The following FBXO24 variants were observed in gnomAD, a reference collection of about 807,000 sequenced individuals.
The protein encoded by FBXO24 is F-box protein 24.
Under a neutral mutation model 63.5 loss-of-function variants are expected in FBXO24, and 30 were observed. That is an observed-to-expected ratio of 0.47 (90% CI 0.35 to 0.64). The LOEUF is 0.64. Ranked by LOEUF, FBXO24 falls within the 30% of genes least tolerant of loss-of-function variation. The probability of loss-of-function intolerance (pLI) is 0.00; values close to 1 mark genes in which losing one functional copy is unlikely to be tolerated. For synonymous variants in FBXO24, 300 were observed against 305.0 expected (o/e 0.98, Z 0.17); for missense variants, 624 against 763.4 (o/e 0.82, Z 2.15).
In FBXO24 at chr7:100,586,454, C is replaced by G. The variant is rs183277670; in HGVS notation, c.-172C>G. On this transcript the variant is annotated 5_prime_UTR_variant, in exon 1 of 10. Transcript: ENST00000241071. Reference sequence around the variant, plus strand: ...AAGAGGAGGGGACACCGGCACTCCACTAGCAGGAAAACGGGCCGAGGGACC... The same window carrying G: ...AAGAGGAGGGGACACCGGCACTCCAGTAGCAGGAAAACGGGCCGAGGGACC... 5.5e-5 allele frequency: 39 copies of G among 704,656 alleles called. 1 individual carries two copies. In the Middle Eastern group the frequency reaches 7.6e-4, roughly 14 times the overall value. The allele number at this position is 704,656 out of a possible 1,614,324, so 43.7% of individuals were successfully genotyped here.
At chr7:100,595,869 C>G (rs929979673) in intron 8 of FBXO24, among the ~76,000 whole-genome samples, 163 bp downstream of exon 8, 2 of 152,178 alleles carry the variant, frequency 1.3e-5, no homozygotes, top group Non-Finnish European at 2.9e-5. Flanking sequence ...ATGTCTTACC[C>G]AGGGTTGGCA....
chr7:100,589,830 ATT>A (rs774938835), intron 1 of FBXO24, 145 bp from the exon 2 acceptor site: 7 of 1,522,342 alleles, frequency 4.6e-6, no homozygotes, highest in Non-Finnish European at 6.2e-6. Flanking sequence ...GGGAGGAGTT[ATT>A]TGGAGAAGTT....
intron 4 of FBXO24, 119 bp from the exon 5 acceptor site, chr7:100,592,664 A>C: frequency 5.3e-6 from 4 of 747,742 alleles, no homozygotes; most frequent in South Asian, 5.3e-5. Context: ...ACCTGAAATC[A>C]AGGGCTCATT....
rs557803795 is a variant in FBXO24, at chr7:100,589,601, C to T, written c.40-376C>T. On this transcript the variant is annotated intron_variant, in intron 1 of 9. Coordinates refer to ENST00000241071, the MANE Select transcript of FBXO24 (RefSeq NM_033506.3). ...CTCCATGGGGGAGGGGCCTAGGAGGCAGAGGGGCCTCAGAGGTCCCCCAAG... is the reference window on the plus strand; with the variant it reads ...CTCCATGGGGGAGGGGCCTAGGAGGTAGAGGGGCCTCAGAGGTCCCCCAAG... 1.1e-4 allele frequency: 153 copies of T among 1,447,334 alleles called. 2 individuals carry two copies. The South Asian group carries it at 2.0e-3, about 19-fold the overall frequency. The allele number at this position is 1,447,334 out of a possible 1,614,324, so 89.7% of individuals were successfully genotyped here.
chr7:100,600,888 C>G lies in FBXO24; in HGVS notation c.1732C>G (p.Pro578Ala). The change falls in exon 10 of 10, where the codon CCT (proline) becomes GCT (alanine). Residue 578 changes from proline (P) to alanine (A), a missense_variant. By Grantham distance (27) the Pro-to-Ala change is conservative. Around this residue, in one of 3 missense-constraint regions of FBXO24, gnomAD observed 216 missense variants for 245.2 expected, o/e 0.88. Transcript: ENST00000241071. The surrounding 1 kb of genome is among the most constrained non-coding windows in gnomAD (Gnocchi z 6.3). ...GGGGGVGPPA[P>A]ET ...CGGGGGTGGTGTAGGGCCCCCAGCC[C>G]CTGAGACCTAATCCCCCTCATGCTA... 1 of 1,612,666 alleles carries G rather than the reference C, an allele frequency of 6.2e-7. No homozygotes were observed. The highest frequency in any genetic ancestry group is 8.5e-7 in the Non-Finnish European group (1 of 1,179,416).
At chr7:100,596,258 CACAGAGCGAG>C (rs1802304349) in intron 8 of FBXO24, among the ~76,000 whole-genome samples, 1 of 151,806 alleles carries the variant, frequency 6.6e-6, no homozygotes, top group Non-Finnish European at 1.5e-5. Flanking sequence ...CAGCCTGGGC[CACAGAGCGAG>C]ACTCCGTCTC....
chr7:100,595,060 G>A, intron 6 of FBXO24, 42 bp from the exon 7 acceptor site: 2 of 1,610,014 alleles, frequency 1.2e-6, no homozygotes, highest in South Asian at 2.2e-5. Context: ...CCTAGGAAAT[G>A]GGTGCCCAAA....
chr7:100,587,005 G>C (rs1386028789), intron 1 of FBXO24, among the ~76,000 whole-genome samples: 2 of 152,198 alleles, frequency 1.3e-5, no homozygotes, highest in Non-Finnish European at 2.9e-5. Context: ...CTCACCCGAG[G>C]AGCTCCCCTG....
chr7:100,597,385 T>G (rs1802362062), intron 8 of FBXO24, among the ~76,000 whole-genome samples: 1 of 152,078 alleles, frequency 6.6e-6, no homozygotes, highest in African/African-American at 2.4e-5. Context: ...ATAGTACCAT[T>G]TATTTTTATT....
chr7:100,596,307 G>A (rs1227431240), intron 8 of FBXO24, among the ~76,000 whole-genome samples: 1 of 152,158 alleles, frequency 6.6e-6, no homozygotes, highest in African/African-American at 2.4e-5. Flanking sequence ...TGTGAGCAGG[G>A]CATCGTGGGT....
rs773338725 is a variant in FBXO24 at position 100,594,560 on chromosome 7, C to G, written c.952+19C>G. 1.2e-5 allele frequency: 18 copies of G among 1,551,588 alleles called. No individual in the cohort carries two copies. The highest frequency in any genetic ancestry group is 1.6e-5 in the Non-Finnish European group (18 of 1,146,084). On this transcript the variant is annotated intron_variant, in intron 6 of 9. Coordinates refer to ENST00000241071, the MANE Select transcript of FBXO24 (RefSeq NM_033506.3). The surrounding 1 kb of genome is among the most constrained non-coding windows in gnomAD (Gnocchi z 4.2). The stretch of plus-strand genomic sequence containing the variant: ...GTCACAGGTATGGACCACCTCCCCC[C>G]GGCTCAAGCCCGCAGCCTTGGTTAG...
At chr7:100,588,030 G>A (rs559538280) in intron 1 of FBXO24, among the ~76,000 whole-genome samples, 14 of 151,782 alleles carry the variant, frequency 9.2e-5, no homozygotes, top group African/African-American at 3.4e-4. Context: ...CTACAAGCAC[G>A]CACCACCATG....
rs1431760329 is a variant in FBXO24 at position 100,600,164 on chromosome 7, C to T, written c.1340C>T (p.Pro447Leu). The T allele has an allele frequency of 6.3e-7, 1 of 1,584,552 alleles. No homozygotes were observed. The highest frequency in any genetic ancestry group is 8.6e-7 in the Non-Finnish European group (1 of 1,165,538). The change falls in exon 9 of 10, where the codon CCC becomes CTC. Residue 447 changes from proline to leucine, a missense_variant. This residue lies in a region of FBXO24 where 216 missense variants were observed against 245.2 expected (regional missense o/e 0.88). Transcript: ENST00000241071. The surrounding 1 kb of genome is among the most constrained non-coding windows in gnomAD (Gnocchi z 6.3). Reference protein sequence around the residue: ...CGAGGRLPGWPKGSASFVKLQ... With the variant: ...CGAGGRLPGWLKGSASFVKLQ... The stretch of plus-strand genomic sequence containing the variant: ...GCTGGGGGCCGCCTCCCAGGCTGGC[C>T]CAAGGGGAGTGCCTCCTTCGTCAAG...
At chr7:100,590,453 A>G (rs1297765119) in intron 3 of FBXO24, 96 bp downstream of exon 3, 2 of 1,284,448 alleles carry the variant, frequency 1.6e-6, no homozygotes, top group Admixed American at 4.9e-5. Flanking sequence ...CACTCCCAAC[A>G]GTGCTTCCAG....
chr7:100,586,382 C>T lies in FBXO24; in HGVS notation c.-244C>T. 3.2e-6 allele frequency: 2 copies of T among 630,040 alleles called. No homozygotes were observed. Among genetic ancestry groups the T allele is most frequent in the Non-Finnish European group, 5.5e-6 (2 of 361,946 alleles). The allele number at this position is 630,040 out of a possible 1,614,324, so 39.0% of individuals were successfully genotyped here. A position where few individuals can be genotyped will look rare whatever the true frequency, so the allele number is the denominator to read the frequency against. ...GCCGTCCCGCCCAGCGCAGCTGCAC[C>T]CAATCACAATGCTCAGATCGGGAGG... is the stretch of plus-strand genomic sequence containing the variant. On this transcript the variant is annotated 5_prime_UTR_variant, in exon 1 of 10. Coordinates refer to ENST00000241071, the MANE Select transcript of FBXO24 (RefSeq NM_033506.3).
At chr7:100,590,103 A>C (rs771351129) in intron 2 of FBXO24, 28 bp downstream of exon 2, 2 of 1,609,302 alleles carry the variant, frequency 1.2e-6, no homozygotes, top group Admixed American at 3.3e-5. Context: ...GGGATTGAGA[A>C]TAATAGGATT....
In FBXO24 at chr7:100,592,830, C is replaced by G. The variant is rs374971411; in HGVS notation, c.606C>G (p.Tyr202Ter). Residue 202 changes from tyrosine (Y) to a stop codon, truncating the protein, a stop_gained, in exon 5 of 10, where the codon TAC becomes TAG. Coordinates refer to ENST00000241071, the MANE Select transcript of FBXO24 (RefSeq NM_033506.3). LOFTEE classifies it high-confidence loss of function. The part of the protein sequence containing the change: ...RCDTVYRKYL[Y>*]VLATREPQEV... ...ACACAGTTTACCGTAAATACCTCTA[C>G]GTCTTGGCCACTCGGGAGCCGCAGG... 9 of 1,614,186 alleles carry G rather than the reference C, an allele frequency of 5.6e-6. No individual in the cohort carries two copies. Among genetic ancestry groups the G allele is most frequent in the South Asian group, 1.1e-5 (1 of 91,078 alleles).
At chr7:100,592,328 A>C (rs917179793) in intron 4 of FBXO24, 1 of 249,786 alleles carries the variant, frequency 4.0e-6, no homozygotes, top group African/African-American at 2.3e-5. Flanking sequence ...TCATAGTTCC[A>C]CATGACTGGG....
intron 8 of FBXO24, 64 bp from the exon 9 acceptor site, chr7:100,599,967 T>TCCCACCCCCCCCCCC: frequency 6.7e-7 from 1 of 1,496,770 alleles, no homozygotes; most frequent in Non-Finnish European, 9.1e-7. Flanking sequence ...GTCAACCTTT[T>TCCCACCCCCCCCCCC]CCCACCCCAG....
Sources: allele counts gnomAD v4.1 joint callset (sites outside exome capture counted in the v4.1 genomes callset), GRCh38; gene constraint gnomAD v4.1.1; regional missense constraint gnomAD v4.1.1; non-coding constraint Gnocchi (gnomAD v3.1); transcripts MANE v1.5; gene names NCBI Gene and HGNC (gene_info 2026-07-23, HGNC 2026-07-21).